PAQR7: variants seen among roughly 807,000 people sequenced by gnomAD.
PAQR7 encodes the protein progestin and adipoQ receptor family member 7.
In PAQR7, 14 loss-of-function variants were observed where a neutral mutation model predicts 24.6. The observed-to-expected ratio is 0.57, with a 90% CI of 0.38 to 0.89. The LOEUF (loss-of-function observed/expected upper bound fraction) is 0.89, where lower values mean the gene tolerates loss of function less well. Among genes scored for constraint, PAQR7 ranks in the 40% least tolerant of loss-of-function variants. PAQR7 has a pLI of 0.00. For synonymous variants in PAQR7, 189 were observed against 198.8 expected (o/e 0.95, Z 0.42); for missense variants, 351 against 444.0 (o/e 0.79, Z 1.88).
At position 25,863,894 on chromosome 1, in the gene PAQR7, T is replaced by A; in HGVS notation, c.-22-33A>T. On this transcript the variant is annotated intron_variant, in intron 2 of 2. Transcript: ENST00000675840. This position sits in a 1 kb window ranked among gnomAD's most constrained non-coding sequence, Gnocchi z 6.1. ...AGAGACCAGAGCAAAGTCAGGGGCCTGGTGTCCTCACCCCCACGAGCAGCA... is the reference window on the plus strand; with the variant it reads ...AGAGACCAGAGCAAAGTCAGGGGCCAGGTGTCCTCACCCCCACGAGCAGCA... 6.6e-7 allele frequency: 1 copy of A among 1,522,502 alleles called. No individual in the cohort carries two copies. The highest frequency in any genetic ancestry group is 1.3e-5 in the South Asian group (1 of 79,822). 94.3% of individuals were successfully genotyped at this position (1,522,502 alleles called of 1,614,324 possible).
At chr1:25,865,064 G>A (rs187425942) in intron 2 of PAQR7, among the ~76,000 whole-genome samples, 43 of 151,622 alleles carry the variant, frequency 2.8e-4, no homozygotes, top group African/African-American at 9.4e-4. Context: ...GCTGAGGCAG[G>A]AGAATGGCGT....
chr1:25,863,869 A>G lies in PAQR7; in HGVS notation c.-22-8T>C, dbSNP rs2048535358. On this transcript the variant is annotated splice_region_variant and splice_polypyrimidine_tract_variant and intron_variant, in intron 2 of 2. Coordinates refer to ENST00000675840, the MANE Select transcript of PAQR7 (RefSeq NM_178422.6). The surrounding 1 kb of genome is among the most constrained non-coding windows in gnomAD (Gnocchi z 6.1). ...GTGGGCCTGGGCAGGGAGCTGGGAG[A>G]GAGACCAGAGCAAAGTCAGGGGCCT... 6.3e-7 allele frequency: 1 copy of G among 1,582,318 alleles called. No homozygotes were observed. The highest frequency in any genetic ancestry group is 1.8e-5 in the Admixed American group (1 of 55,216).
At chr1:25,869,035 G>A (rs1344626509) in intron 2 of PAQR7, among the ~76,000 whole-genome samples, 6 of 152,084 alleles carry the variant, frequency 3.9e-5, no homozygotes, top group Admixed American at 3.3e-4. Context: ...GCTAAGGCAG[G>A]AGAAGGCCTT....
At chr1:25,874,233 T>G (rs1049095876) in intron 1 of PAQR7, among the ~76,000 whole-genome samples, 14 of 149,424 alleles carry the variant, frequency 9.4e-5, no homozygotes, top group Admixed American at 8.1e-4. Context: ...CAGGCTGGAG[T>G]ACAGTGGCAC....
At chr1:25,872,010 C>A (rs1036015297) in intron 1 of PAQR7, among the ~76,000 whole-genome samples, 2 of 152,196 alleles carry the variant, frequency 1.3e-5, no homozygotes, top group Non-Finnish European at 2.9e-5. Context: ...GGCTCTCCGG[C>A]AGGCTGTTTC....
rs767866861 is a variant in PAQR7, at chr1:25,862,952, G to C, written c.888C>G (p.Asp296Glu). The C allele has an allele frequency of 3.7e-6, 6 of 1,614,074 alleles. No homozygotes were observed. The highest frequency in any genetic ancestry group is 8.5e-7 in the Non-Finnish European group (1 of 1,180,066). Residue 296 changes from aspartate (D) to glutamate (E), a missense_variant, in exon 3 of 3, where the codon GAC becomes GAG. Physicochemically the swap from Asp to Glu is conservative, Grantham distance 45. Coordinates refer to ENST00000675840, the MANE Select transcript of PAQR7 (RefSeq NM_178422.6). ...TLAQLEAVAL[D>E]YEARRPIYEP... ...CATAGATGGGCCGTCGGGCCTCATAGTCCAGTGCCACAGCCTCCAGCTGAG... is the reference window on the plus strand; with the variant it reads ...CATAGATGGGCCGTCGGGCCTCATACTCCAGTGCCACAGCCTCCAGCTGAG...
At chr1:25,872,509 ATTTTT>A (rs55654329) in intron 1 of PAQR7, among the ~76,000 whole-genome samples, 39 of 108,900 alleles carry the variant, frequency 3.6e-4, no homozygotes, top group African/African-American at 1.1e-3. Flanking sequence ...ACACCACAGG[ATTTTT>A]TTTTTTTTTT....
intron 2 of PAQR7, among the ~76,000 whole-genome samples, chr1:25,869,497 G>A (rs780182669): frequency 6.6e-5 from 10 of 151,386 alleles, no homozygotes; most frequent in East Asian, 1.9e-4. Context: ...GCTTGAGCTC[G>A]GGGAGCTGAG....
chr1:25,867,764 A>C (rs552616033), intron 2 of PAQR7, among the ~76,000 whole-genome samples: 10 of 152,234 alleles, frequency 6.6e-5, no homozygotes, highest in Non-Finnish European at 1.5e-4. Flanking sequence ...CCACAAGCCC[A>C]CATCTCCAGA....
intron 2 of PAQR7, among the ~76,000 whole-genome samples, chr1:25,866,858 G>A (rs754175597): frequency 6.6e-6 from 1 of 152,024 alleles, no homozygotes; most frequent in South Asian, 2.1e-4. Flanking sequence ...TCAGCCTCCC[G>A]AGTACCTAGG....
chr1:25,870,981 T>TTAA (rs2048598764), intron 1 of PAQR7: 1 of 152,190 alleles, frequency 6.6e-6, no homozygotes, highest in African/African-American at 2.4e-5. Flanking sequence ...GCAATTGTTA[T>TTAA]TAATAATAAT....
At chr1:25,874,365 A>G (rs891745816) in intron 1 of PAQR7, among the ~76,000 whole-genome samples, 1 of 152,102 alleles carries the variant, frequency 6.6e-6, no homozygotes, top group Non-Finnish European at 1.5e-5. Flanking sequence ...ATTCTTAAAG[A>G]AAGTATTCTG....
intron 2 of PAQR7, among the ~76,000 whole-genome samples, chr1:25,868,311 T>A (rs1295705071): frequency 2.0e-5 from 3 of 152,186 alleles, no homozygotes; most frequent in African/African-American, 2.4e-5. Context: ...GCGATGGCTG[T>A]GCCCTGTGGA....
Position 25,862,831 on chromosome 1 carries a change from C to A in PAQR7, c.1009G>T (p.Val337Leu). 1 of 1,614,066 alleles carries A rather than the reference C, an allele frequency of 6.2e-7. No individual in the cohort carries two copies. The highest frequency in any genetic ancestry group is 8.5e-7 in the Non-Finnish European group (1 of 1,179,990). Reference protein sequence around the residue: ...ILTAFLLSQLVQRKLDQKTK With the variant: ...ILTAFLLSQLLQRKLDQKTK ...GTCTTCTGATCAAGTTTGCGCTGTACCAGCTGGCTCAGGAGGAATGCAGTG... is the reference window on the plus strand; with the variant it reads ...GTCTTCTGATCAAGTTTGCGCTGTAACAGCTGGCTCAGGAGGAATGCAGTG... Residue 337 changes from valine to leucine, a missense_variant, in exon 3 of 3, where the codon GTA (valine) becomes TTA (leucine). Val to Leu is a conservative substitution (Grantham distance 32). Coordinates refer to ENST00000675840, the MANE Select transcript of PAQR7 (RefSeq NM_178422.6).
chr1:25,869,967 C>T (rs1366762276), intron 2 of PAQR7, among the ~76,000 whole-genome samples: 2 of 152,166 alleles, frequency 1.3e-5, no homozygotes, highest in East Asian at 1.9e-4. Context: ...ATGACAGAGA[C>T]CCCGCTGCCC....
At chr1:25,866,238 C>T (rs1315077765) in intron 2 of PAQR7, among the ~76,000 whole-genome samples, 1 of 152,110 alleles carries the variant, frequency 6.6e-6, no homozygotes, top group African/African-American at 2.4e-5. Flanking sequence ...TCCTACTACC[C>T]TTATTCCCCA....
At chr1:25,866,923 G>A (rs944092196) in intron 2 of PAQR7, among the ~76,000 whole-genome samples, 2 of 152,162 alleles carry the variant, frequency 1.3e-5, no homozygotes, top group Non-Finnish European at 1.5e-5. Context: ...AGTAGACAGG[G>A]TTTCACCACA....
At chr1:25,865,473 G>A (rs940821181) in intron 2 of PAQR7, among the ~76,000 whole-genome samples, 1 of 151,962 alleles carries the variant, frequency 6.6e-6, no homozygotes, top group African/African-American at 2.4e-5. Flanking sequence ...TCGGGAGGTC[G>A]AGACCAGCCT....
intron 1 of PAQR7, among the ~76,000 whole-genome samples, chr1:25,873,687 C>T (rs1410940419): frequency 6.6e-6 from 1 of 152,142 alleles, no homozygotes; most frequent in African/African-American, 2.4e-5. Flanking sequence ...CCTCCCACCT[C>T]AGCCTCCTGA....
Sources: allele counts gnomAD v4.1 joint callset (sites outside exome capture counted in the v4.1 genomes callset), GRCh38; gene constraint gnomAD v4.1.1; non-coding constraint Gnocchi (gnomAD v3.1); transcripts MANE v1.5; gene names NCBI Gene and HGNC (gene_info 2026-07-23, HGNC 2026-07-21).